Variants in FMN1 observed in about 807,000 individuals in gnomAD.
FMN1 encodes the protein formin-1.
A neutral mutation model predicts 132.4 loss-of-function variants in FMN1; 110 were observed. The observed-to-expected ratio is 0.83, with a 90% CI of 0.71 to 0.97. The LOEUF (loss-of-function observed/expected upper bound fraction) is 0.97, where lower values mean the gene tolerates loss of function less well. FMN1 is among the 50% of genes least tolerant of loss of function. The pLI is 0.00. For synonymous variants in FMN1, 722 were observed against 651.7 expected (o/e 1.11, Z -1.64); for missense variants, 1,792 against 1,705.3 (o/e 1.05, Z -0.90).
Position 32,901,962 on chromosome 15 carries a change from C to T in FMN1, c.3456G>A (p.Glu1152=). 6.2e-7 allele frequency: 1 copy of T among 1,613,248 alleles called. No homozygotes were observed. Among genetic ancestry groups the T allele is most frequent in the Non-Finnish European group, 8.5e-7 (1 of 1,179,426 alleles). Reference sequence around the variant, plus strand: ...CCTTTCTGTGCAAGGAGGTGATACCCTCAGAAAAGACAGATCTGAAGATTA... The same window carrying T: ...CCTTTCTGTGCAAGGAGGTGATACCTTCAGAAAAGACAGATCTGAAGATTA... ...QCIIFRSVFS[E]GITSLHRKVE... The change falls in exon 13 of 21, where the codon GAG becomes GAA. Residue 1152 remains glutamate (E), a synonymous_variant. Coordinates refer to ENST00000616417, the MANE Select transcript of FMN1 (RefSeq NM_001277313.2).
chr15:32,765,550 T>C lies in FMN1; in HGVS notation c.*8760A>G, dbSNP rs2056017223. The C allele has an allele frequency of 6.6e-6, 1 of 152,214 alleles. No homozygotes were observed. The highest frequency in any genetic ancestry group is 1.5e-5 in the Non-Finnish European group (1 of 68,046). 9.4% of individuals were successfully genotyped at this position (152,214 alleles called of 1,614,324 possible). On this transcript the variant is annotated 3_prime_UTR_variant, in exon 21 of 21. Transcript: ENST00000616417. ...ATCTGCATTGCACACCAGATGGACA[T>C]GAAACCAAGATTTATTAAAATACCC... is the stretch of plus-strand genomic sequence containing the variant.
chr15:33,101,822 C>T (rs1356789989), intron 4 of FMN1, among the ~76,000 whole-genome samples: 2 of 152,070 alleles, frequency 1.3e-5, no homozygotes, highest in African/African-American at 4.8e-5. Flanking sequence ...GATAGGGAGA[C>T]CATTTATGCT....
chr15:32,876,419 G>A (rs535812284), intron 16 of FMN1, among the ~76,000 whole-genome samples: 2 of 152,242 alleles, frequency 1.3e-5, no homozygotes, highest in Admixed American at 6.5e-5. Flanking sequence ...AACAGAAAGG[G>A]GACAAAAATG....
At chr15:32,966,706 A>G (rs2031269316) in intron 8 of FMN1, among the ~76,000 whole-genome samples, 1 of 152,214 alleles carries the variant, frequency 6.6e-6, no homozygotes, top group Admixed American at 6.5e-5. Flanking sequence ...AATGCTGAAA[A>G]TTCACATTTT....
At chr15:32,849,200 C>T (rs2058943239) in intron 17 of FMN1, among the ~76,000 whole-genome samples, 1 of 149,988 alleles carries the variant, frequency 6.7e-6, no homozygotes, top group African/African-American at 2.5e-5. Flanking sequence ...ATCGTGTTAG[C>T]CAGGATGGTC....
chr15:33,134,398 AC>A (rs1420788792), intron 4 of FMN1, among the ~76,000 whole-genome samples: 1 of 152,146 alleles, frequency 6.6e-6, no homozygotes, highest in Non-Finnish European at 1.5e-5. Context: ...ACCTCACCTC[AC>A]CCCAAATTAC....
rs7169829 is a variant in FMN1, at chr15:33,141,522, G to A, written c.1867+11526C>T. 4.5e-3 allele frequency among the ~76,000 whole-genome samples: 683 copies of A among 152,286 alleles called. 5 individuals are homozygous for A. Among genetic ancestry groups the A allele is most frequent in the African/African-American group, 0.015 (634 of 41,556 alleles). ...CCATGCAGAAGGTTTAGTGGAGAGT[G>A]CTCTTTGGAGCAATACCTATGGGAA... On this transcript the variant is annotated intron_variant, in intron 4 of 20. Transcript: ENST00000616417.
intron 19 of FMN1, among the ~76,000 whole-genome samples, chr15:32,792,108 CAG>C (rs2057102329): frequency 6.6e-6 from 1 of 151,872 alleles, no homozygotes; most frequent in South Asian, 2.1e-4. Flanking sequence ...GTCACCTTCG[CAG>C]AGAGACCCAA....
At chr15:32,812,595 G>A (rs2057919266) in intron 17 of FMN1, among the ~76,000 whole-genome samples, 1 of 152,224 alleles carries the variant, frequency 6.6e-6, no homozygotes, top group East Asian at 1.9e-4. Flanking sequence ...GTCACATAAA[G>A]TCAAGTGATG....
chr15:32,933,049 T>C (rs1596302832), intron 9 of FMN1, among the ~76,000 whole-genome samples: 1 of 152,188 alleles, frequency 6.6e-6, no homozygotes, highest in East Asian at 1.9e-4. Flanking sequence ...TATCCTTCTT[T>C]TTCTAGTTCC....
intron 16 of FMN1, among the ~76,000 whole-genome samples, chr15:32,863,414 A>T: frequency 6.6e-6 from 1 of 152,226 alleles, no homozygotes; most frequent in Non-Finnish European, 1.5e-5. Flanking sequence ...AGCCTGGGCG[A>T]CAGAGCGAGA....
At chr15:33,126,596 C>T (rs2140203009) in intron 4 of FMN1, among the ~76,000 whole-genome samples, 1 of 143,928 alleles carries the variant, frequency 6.9e-6, no homozygotes, top group South Asian at 2.2e-4. Flanking sequence ...CTTCAATAGA[C>T]CAGAAAGAAG....
chr15:33,010,704 T>G (rs1249557786), intron 6 of FMN1, among the ~76,000 whole-genome samples: 1 of 152,084 alleles, frequency 6.6e-6, no homozygotes, highest in Non-Finnish European at 1.5e-5. Flanking sequence ...TGATAAAATA[T>G]TAGAATATGC....
chr15:32,795,836 G>A (rs1400816199), intron 19 of FMN1, among the ~76,000 whole-genome samples: 1 of 152,154 alleles, frequency 6.6e-6, no homozygotes, highest in Non-Finnish European at 1.5e-5. Flanking sequence ...TTTTGCTTAA[G>A]ATTGGCTTGA....
intron 6 of FMN1, among the ~76,000 whole-genome samples, chr15:33,009,279 G>A (rs2034580070): frequency 6.6e-6 from 1 of 152,156 alleles, no homozygotes; most frequent in African/African-American, 2.4e-5. Context: ...ACTTCTGGTA[G>A]GGTGCCTGCT....
intron 3 of FMN1, among the ~76,000 whole-genome samples, chr15:33,171,250 T>C (rs1965311310): frequency 6.6e-6 from 1 of 152,126 alleles, no homozygotes; most frequent in African/African-American, 2.4e-5. Flanking sequence ...AAGGGGTAGG[T>C]TAATGGGTAC....
intron 15 of FMN1, among the ~76,000 whole-genome samples, chr15:32,897,395 C>CTT (rs2141570020): frequency 6.6e-6 from 1 of 152,084 alleles, no homozygotes; most frequent in East Asian, 1.9e-4. Flanking sequence ...TACTGGGAGA[C>CTT]TTTTTCCCAA....
rs373149009 is a variant in FMN1 at position 33,128,804 on chromosome 15, T to C, written c.1867+24244A>G. Among the ~76,000 whole-genome samples, 5 of 152,364 alleles carry C rather than the reference T, an allele frequency of 3.3e-5. No individual in the cohort carries two copies. The East Asian group carries it at 5.8e-4, about 18-fold the overall frequency. On this transcript the variant is annotated intron_variant, in intron 4 of 20. Coordinates refer to ENST00000616417, the MANE Select transcript of FMN1 (RefSeq NM_001277313.2). Reference sequence around the variant, plus strand: ...AACGGTGAGCAGCAGCAAGATTTACTGTCACGAGCAAAATAACAAAGCCTC... The same window carrying C: ...AACGGTGAGCAGCAGCAAGATTTACCGTCACGAGCAAAATAACAAAGCCTC...
At chr15:32,972,577 G>C (rs182988053) in intron 7 of FMN1, among the ~76,000 whole-genome samples, 94 of 152,196 alleles carry the variant, frequency 6.2e-4, no homozygotes, top group African/African-American at 2.2e-3. Flanking sequence ...CTGCTTCCCT[G>C]AACTCGATTC....
Sources: allele counts gnomAD v4.1 joint callset (sites outside exome capture counted in the v4.1 genomes callset), GRCh38; gene constraint gnomAD v4.1.1; transcripts MANE v1.5; gene names NCBI Gene and HGNC (gene_info 2026-07-23, HGNC 2026-07-21).